WIF1: variants seen among roughly 807,000 people sequenced by gnomAD.
The protein encoded by WIF1 is Wnt inhibitory factor 1.
A neutral mutation model predicts 53.5 loss-of-function variants in WIF1; 35 were observed. The ratio of observed to expected loss-of-function variants is 0.65; its 90% CI spans 0.50 to 0.87. The LOEUF is 0.87. WIF1 is among the 40% of genes least tolerant of loss of function. The pLI is 0.00. For missense variants in WIF1, 467 were observed against 476.8 expected, an observed-to-expected ratio of 0.98 and a Z score of 0.19; for synonymous variants, 171 against 170.4, an observed-to-expected ratio of 1.00 and a Z score of -0.03.
intron 2 of WIF1, among the ~76,000 whole-genome samples, chr12:65,105,797 C>T (rs1046588560): frequency 5.9e-5 from 9 of 152,312 alleles, no homozygotes; most frequent in African/African-American, 2.2e-4. Context: ...CTCCCAACAC[C>T]GCCACACTGG....
intron 2 of WIF1, among the ~76,000 whole-genome samples, chr12:65,116,961 A>T (rs895869955): frequency 9.3e-5 from 12 of 128,894 alleles, no homozygotes; most frequent in Non-Finnish European, 2.0e-4. Flanking sequence ...AAAAAAAAAA[A>T]TTGTCTTCCG....
intron 5 of WIF1, among the ~76,000 whole-genome samples, chr12:65,067,477 A>G (rs928262749): frequency 2.0e-5 from 3 of 152,216 alleles, no homozygotes; most frequent in Non-Finnish European, 4.4e-5. Context: ...TTTTCATAAG[A>G]TTATGCCAAA....
At chr12:65,067,613 A>AAATACAC in intron 5 of WIF1, 82 bp downstream of exon 5, 1 of 1,396,646 alleles carries the variant, frequency 7.2e-7, no homozygotes, top group Non-Finnish European at 1.0e-6. Flanking sequence ...CAGGTGTTAA[A>AAATACAC]AATACACAAT....
intron 4 of WIF1, among the ~76,000 whole-genome samples, chr12:65,068,234 A>G (rs548247008): frequency 6.6e-6 from 1 of 152,246 alleles, no homozygotes; most frequent in South Asian, 2.1e-4. Context: ...CCAGGCCTTT[A>G]TAGTTAAATG....
intron 6 of WIF1, among the ~76,000 whole-genome samples, chr12:65,063,395 A>C (rs1352499412): frequency 6.6e-6 from 1 of 152,196 alleles, no homozygotes; most frequent in East Asian, 1.9e-4. Flanking sequence ...TCATTCTATA[A>C]AGGAAATTAA....
At chr12:65,086,788 A>G (rs1017695953) in intron 2 of WIF1, among the ~76,000 whole-genome samples, 1 of 149,412 alleles carries the variant, frequency 6.7e-6, no homozygotes, top group African/African-American at 2.5e-5. Context: ...TTGAGTATTC[A>G]TCTGTATGAA....
intron 2 of WIF1, among the ~76,000 whole-genome samples, chr12:65,079,480 A>G (rs1434528989): frequency 6.6e-6 from 1 of 152,092 alleles, no homozygotes; most frequent in Non-Finnish European, 1.5e-5. Flanking sequence ...AGCATTGGAG[A>G]TTGTTATTAT....
intron 2 of WIF1, among the ~76,000 whole-genome samples, chr12:65,084,565 T>C (rs1373702526): frequency 1.3e-5 from 2 of 152,240 alleles, no homozygotes. Context: ...ACTTTTCATA[T>C]GTTTATATCT....
intron 2 of WIF1, among the ~76,000 whole-genome samples, chr12:65,108,948 C>A (rs1476743891): frequency 6.6e-6 from 1 of 152,182 alleles, no homozygotes; most frequent in Non-Finnish European, 1.5e-5. Flanking sequence ...TCAGATACAA[C>A]ATTATTATCT....
In WIF1 at chr12:65,120,426, A is replaced by G; in HGVS notation, c.279T>C (p.Ala93=). 1 of 1,613,312 alleles carries G rather than the reference A, an allele frequency of 6.2e-7. No individual in the cohort carries two copies. Among genetic ancestry groups the G allele is most frequent in the Non-Finnish European group, 8.5e-7 (1 of 1,179,814 alleles). The part of the protein sequence containing the change: ...NIHSMNFTWQ[A]AGQAEYFYEF... ...TTTTCTCAGAACTTACCTGCCCTGCAGCTTGCCAGGTAAAATTCATGGAAT... is the reference window on the plus strand; with the variant it reads ...TTTTCTCAGAACTTACCTGCCCTGCGGCTTGCCAGGTAAAATTCATGGAAT... The change falls in exon 2 of 10, where the codon GCT becomes GCC. Residue 93 remains alanine (A), a synonymous_variant. Transcript: ENST00000286574.
In WIF1 at chr12:65,120,437, T is replaced by C; in HGVS notation, c.268A>G (p.Thr90Ala). 1 of 1,613,402 alleles carries C rather than the reference T, an allele frequency of 6.2e-7. No individual in the cohort carries two copies. The stretch of plus-strand genomic sequence containing the variant: ...CTTACCTGCCCTGCAGCTTGCCAGG[T>C]AAAATTCATGGAATGGATATTGACA... ...IPVNIHSMNF[T>A]WQAAGQAEYF... is the part of the protein sequence containing the mutation. The change falls in exon 2 of 10, where the codon ACC becomes GCC. Residue 90 changes from threonine (T) to alanine (A), a missense_variant. Thr to Ala is a moderately conservative substitution (Grantham distance 58). Transcript: ENST00000286574.
intron 4 of WIF1, 68 bp from the exon 5 acceptor site, chr12:65,067,858 G>A: frequency 7.3e-7 from 1 of 1,376,460 alleles, no homozygotes. Flanking sequence ...CACAGCCAGT[G>A]TGAGACAGTA....
chr12:65,066,016 GT>G (rs1882681661), intron 6 of WIF1, among the ~76,000 whole-genome samples: 1 of 152,136 alleles, frequency 6.6e-6, no homozygotes, highest in African/African-American at 2.4e-5. Flanking sequence ...AGAGCAGGTT[GT>G]TTAATTTTAG....
intron 2 of WIF1, among the ~76,000 whole-genome samples, chr12:65,086,605 C>T (rs1337437005): frequency 6.6e-6 from 1 of 151,814 alleles, no homozygotes; most frequent in Non-Finnish European, 1.5e-5. Context: ...CATGGAGGTG[C>T]CCAGAAAGCA....
intron 4 of WIF1, among the ~76,000 whole-genome samples, chr12:65,068,207 T>C (rs1406816079): frequency 6.6e-6 from 1 of 152,054 alleles, no homozygotes; most frequent in African/African-American, 2.4e-5. Flanking sequence ...AAAGCTTGTA[T>C]AGGGATGTGA....
At chr12:65,115,126 G>C (rs1030376110) in intron 2 of WIF1, among the ~76,000 whole-genome samples, 1 of 148,352 alleles carries the variant, frequency 6.7e-6, no homozygotes, top group African/African-American at 2.5e-5. Context: ...GTCACAAGGA[G>C]GTTGGAAAAC....
intron 2 of WIF1, among the ~76,000 whole-genome samples, chr12:65,097,392 TA>T (rs1222050789): frequency 6.6e-6 from 1 of 152,138 alleles, no homozygotes; most frequent in Non-Finnish European, 1.5e-5. Context: ...GGCATAGTTA[TA>T]AAATGAGAAA....
chr12:65,055,448 A>G (rs1882508592), intron 8 of WIF1, among the ~76,000 whole-genome samples: 1 of 152,218 alleles, frequency 6.6e-6, no homozygotes, highest in Non-Finnish European at 1.5e-5. Flanking sequence ...GGATTTTGAA[A>G]CTGCTGGAGC....
chr12:65,086,858 A>C (rs1883046868), intron 2 of WIF1, among the ~76,000 whole-genome samples: 1 of 152,034 alleles, frequency 6.6e-6, no homozygotes, highest in African/African-American at 2.4e-5. Flanking sequence ...AAACCTGAGC[A>C]ATTGGCTGGG....
Sources: gnomAD v4.1 joint callset for allele counts (sites outside exome capture counted in the v4.1 genomes callset) on GRCh38, gnomAD v4.1.1 for gene constraint, MANE v1.5 for transcripts, NCBI Gene and HGNC (gene_info 2026-07-23, HGNC 2026-07-21) for gene names.